CPEB1: variants seen among roughly 807,000 people sequenced by gnomAD.
CPEB1 encodes the protein cytoplasmic polyadenylation element-binding protein 1.
In CPEB1, 7 loss-of-function variants were observed where a neutral mutation model predicts 65.8. That is an observed-to-expected ratio of 0.11 (90% confidence interval 0.06 to 0.20). CPEB1 has a LOEUF of 0.20. CPEB1 is among the 10% of genes least tolerant of loss of function. The pLI is 1.00. For synonymous variants in CPEB1, 262 were observed against 260.0 expected, an observed-to-expected ratio of 1.01 and a Z score of -0.08; for missense variants, 551 against 712.2, an observed-to-expected ratio of 0.77 and a Z score of 2.58.
At chr15:82,605,795 T>G (rs1379417601) in intron 3 of CPEB1, among the ~76,000 whole-genome samples, 1 of 152,096 alleles carries the variant, frequency 6.6e-6, no homozygotes, top group Non-Finnish European at 1.5e-5. Flanking sequence ...TCCTAGCACT[T>G]TGGGAGGCTG....
At chr15:82,554,157 C>T (rs931182717) in intron 6 of CPEB1, among the ~76,000 whole-genome samples, 166 bp from the exon 7 acceptor site, 23 of 152,332 alleles carry the variant, frequency 1.5e-4, no homozygotes, top group Middle Eastern at 6.8e-3. Flanking sequence ...ATCTATGTCT[C>T]ACCAATCCAC....
At chr15:82,598,804 A>C (rs563489658) in intron 3 of CPEB1, among the ~76,000 whole-genome samples, 40 of 152,258 alleles carry the variant, frequency 2.6e-4, no homozygotes, top group African/African-American at 7.7e-4. Flanking sequence ...AACAAACAAA[A>C]AAACCAAAGG....
chr15:82,584,399 T>C (rs1567201307), intron 3 of CPEB1, among the ~76,000 whole-genome samples: 1 of 151,758 alleles, frequency 6.6e-6, no homozygotes, highest in East Asian at 1.9e-4. Context: ...TAATGCAGGC[T>C]GGGTGCGGTG....
At chr15:82,639,627 A>C (rs2046941708) in intron 1 of CPEB1, among the ~76,000 whole-genome samples, 1 of 152,212 alleles carries the variant, frequency 6.6e-6, no homozygotes, top group African/African-American at 2.4e-5. Flanking sequence ...GGTGTACAGA[A>C]AAGATTTAAA....
At chr15:82,647,609 G>C (rs587770312), upstream of CPEB1, 3 of 329,272 alleles carry the variant, frequency 9.1e-6, no homozygotes, top group Middle Eastern at 8.0e-4. Context: ...CCCACCGGCC[G>C]CCCCCGCAGG....
intron 3 of CPEB1, among the ~76,000 whole-genome samples, chr15:82,598,229 A>C (rs1371037680): frequency 1.3e-5 from 2 of 152,116 alleles, no homozygotes; most frequent in Admixed American, 1.3e-4. Flanking sequence ...TAATCCTAGT[A>C]CTTTGGGAGG....
At chr15:82,560,406 T>G (rs1055675796) in intron 4 of CPEB1, among the ~76,000 whole-genome samples, 8 of 151,372 alleles carry the variant, frequency 5.3e-5, no homozygotes, top group East Asian at 3.9e-4. Context: ...ATTTGTTTTT[T>G]TTTTTTTTTT....
intron 3 of CPEB1, among the ~76,000 whole-genome samples, chr15:82,605,135 T>C (rs911134733): frequency 2.0e-5 from 3 of 152,176 alleles, no homozygotes; most frequent in African/African-American, 7.2e-5. Context: ...AAGAATTTTT[T>C]ATCACCAACA....
chr15:82,597,974 T>G (rs1205801774), intron 3 of CPEB1, among the ~76,000 whole-genome samples: 1 of 152,212 alleles, frequency 6.6e-6, no homozygotes, highest in Non-Finnish European at 1.5e-5. Flanking sequence ...ATGACTGAGT[T>G]GGAGGAGCCC....
At chr15:82,623,696 A>C (rs2045513738) in intron 3 of CPEB1, among the ~76,000 whole-genome samples, 1 of 151,952 alleles carries the variant, frequency 6.6e-6, no homozygotes. Context: ...AATTACCCAT[A>C]ATTTTTTTCT....
At chr15:82,577,453 G>A (rs1401138446) in intron 3 of CPEB1, among the ~76,000 whole-genome samples, 1 of 152,136 alleles carries the variant, frequency 6.6e-6, no homozygotes, top group Non-Finnish European at 1.5e-5. Context: ...TATCTTTTAA[G>A]TATACTGAAT....
intron 3 of CPEB1, among the ~76,000 whole-genome samples, chr15:82,578,578 A>C (rs1430608857): frequency 2.0e-5 from 3 of 152,126 alleles, no homozygotes; most frequent in Non-Finnish European, 4.4e-5. Flanking sequence ...AGACATGGCG[A>C]AACCCCATCT....
At chr15:82,648,177 G>T (rs186702267), upstream of CPEB1, 365 of 323,824 alleles carry the variant, frequency 1.1e-3, 1 homozygote, top group African/African-American at 7.4e-3. Flanking sequence ...AGCCACAGCT[G>T]CCCCCTGGGG....
chr15:82,596,833 T>C (rs1400185047), intron 3 of CPEB1, among the ~76,000 whole-genome samples: 1 of 152,136 alleles, frequency 6.6e-6, no homozygotes, highest in African/African-American at 2.4e-5. Flanking sequence ...TCTTGACATA[T>C]TTAAGTCATT....
rs1410175110 is a variant in CPEB1 at position 82,543,310 on chromosome 15, TCA to T, written c.*1280_*1281del. The T allele has an allele frequency of 6.6e-6, 1 of 152,528 alleles. No homozygotes were observed. Among genetic ancestry groups the T allele is most frequent in the Admixed American group, 6.5e-5 (1 of 15,276 alleles). The allele number at this position is 152,528 out of a possible 1,614,324, so 9.4% of individuals were successfully genotyped here. A position where few individuals can be genotyped will look rare whatever the true frequency, so the allele number is the denominator to read the frequency against. Reference sequence around the variant, plus strand: ...CATATACTACAATGAGGTAGAGACTTCACACACAGCTTCACAAAACCCACAGA... The same window carrying T: ...CATATACTACAATGAGGTAGAGACTTCACACAGCTTCACAAAACCCACAGA... On this transcript the variant is annotated 3_prime_UTR_variant, in exon 13 of 13. Coordinates refer to ENST00000684509, the MANE Select transcript of CPEB1 (RefSeq NM_001365242.1).
chr15:82,579,270 G>A (rs571235670), intron 3 of CPEB1, among the ~76,000 whole-genome samples: 173 of 152,218 alleles, frequency 1.1e-3, no homozygotes, highest in African/African-American at 4.0e-3. Flanking sequence ...AAGACTGCCT[G>A]GGCAACACAG....
chr15:82,639,076 T>C (rs2046894601), intron 1 of CPEB1, among the ~76,000 whole-genome samples: 1 of 152,180 alleles, frequency 6.6e-6, no homozygotes, highest in African/African-American at 2.4e-5. Flanking sequence ...AGGGTTTTGG[T>C]GACCACTAGG....
At chr15:82,605,277 T>C (rs2043463276) in intron 3 of CPEB1, among the ~76,000 whole-genome samples, 1 of 152,238 alleles carries the variant, frequency 6.6e-6, no homozygotes, top group South Asian at 2.1e-4. Context: ...ACAGTTACTT[T>C]AATCCACATG....
intron 3 of CPEB1, among the ~76,000 whole-genome samples, chr15:82,611,055 A>G (rs2044112014): frequency 6.6e-6 from 1 of 151,350 alleles, no homozygotes; most frequent in Admixed American, 6.6e-5. Context: ...ATCTAACATC[A>G]TATTTAATGG....
Sources: allele counts gnomAD v4.1 joint callset (sites outside exome capture counted in the v4.1 genomes callset), GRCh38; gene constraint gnomAD v4.1.1; transcripts MANE v1.5; gene names NCBI Gene and HGNC (gene_info 2026-07-23, HGNC 2026-07-21).